PCDHA6: variants seen among roughly 807,000 people sequenced by gnomAD.
The protein encoded by PCDHA6 is protocadherin alpha 6.
A neutral mutation model predicts 60.3 loss-of-function variants in PCDHA6; 55 were observed. The ratio of observed to expected loss-of-function variants is 0.91; its 90% CI spans 0.73 to 1.14. The LOEUF (loss-of-function observed/expected upper bound fraction) is 1.14, where lower values mean the gene tolerates loss of function less well. PCDHA6 is among the 50% of genes most tolerant of loss of function. The pLI, the probability that PCDHA6 is intolerant of heterozygous loss-of-function variation, is 0.00. For synonymous variants in PCDHA6, 652 were observed against 557.9 expected, an observed-to-expected ratio of 1.17 and a Z score of -2.38; for missense variants, 1,327 against 1,256.5, an observed-to-expected ratio of 1.06 and a Z score of -0.85.
intron 1 of PCDHA6, chr5:140,876,054 A>C: frequency 6.2e-7 from 1 of 1,613,940 alleles, no homozygotes; most frequent in Non-Finnish European, 8.5e-7. Context: ...TGCCTGAATT[A>C]GTTCTTCGGA....
intron 1 of PCDHA6, among the ~76,000 whole-genome samples, chr5:140,971,432 A>G (rs1446143040): frequency 6.6e-6 from 1 of 152,226 alleles, no homozygotes; most frequent in African/African-American, 2.4e-5. Context: ...AAGAACCCCA[A>G]GATCTACAGC....
intron 3 of PCDHA6, among the ~76,000 whole-genome samples, chr5:140,989,700 C>T (rs1367211310): frequency 6.6e-6 from 1 of 152,178 alleles, no homozygotes; most frequent in East Asian, 1.9e-4. Flanking sequence ...AAAATTTTAT[C>T]TTCAGAGGCA....
At chr5:140,894,035 T>C (rs1554185902) in intron 1 of PCDHA6, among the ~76,000 whole-genome samples, 1 of 152,220 alleles carries the variant, frequency 6.6e-6, no homozygotes, top group Non-Finnish European at 1.5e-5. Context: ...ATACTGGTAA[T>C]GTAAGTCCTC....
rs535622037 is a variant in PCDHA6 at position 140,926,265 on chromosome 5, G to T, written c.2395-52684G>T. The T allele has an allele frequency of 8.1e-3, 1,228 of 152,360 alleles. 6 individuals carry two copies. The highest frequency in any genetic ancestry group is 0.019 in the African/African-American group (792 of 41,548). 9.4% of individuals were successfully genotyped at this position (152,360 alleles called of 1,614,324 possible). ...CACGTTCACCGTCCCGCCTCTCGCC[G>T]CCTCCGCTCGGCAGCTCCACGCTGA... is the stretch of plus-strand genomic sequence containing the variant. On this transcript the variant is annotated intron_variant, in intron 1 of 3. Transcript: ENST00000529310.
chr5:140,875,924 A>G (rs782181544), intron 1 of PCDHA6: 5 of 1,613,936 alleles, frequency 3.1e-6, no homozygotes, highest in Non-Finnish European at 4.2e-6. Context: ...CTGGACTCTC[A>G]TTTTCCTCTA....
intron 1 of PCDHA6, chr5:140,858,052 T>C (rs1281058907): frequency 2.5e-6 from 4 of 1,597,036 alleles, no homozygotes; most frequent in African/African-American, 1.3e-5. Flanking sequence ...TTGTGTCGCT[T>C]GTGGAGGGCA....
chr5:140,853,323 A>T (rs191492772), intron 1 of PCDHA6: 1 of 984,966 alleles, frequency 1.0e-6, no homozygotes, highest in African/African-American at 1.8e-5. Context: ...TAATAAATTT[A>T]TCTTTTGAGG....
At chr5:140,966,854 C>G in intron 1 of PCDHA6, 1 of 1,573,744 alleles carries the variant, frequency 6.4e-7, no homozygotes, top group Non-Finnish European at 8.6e-7. Context: ...GCCTCTCCTG[C>G]TGCTGTTGCT....
chr5:140,883,861 G>A (rs1554180326), intron 1 of PCDHA6: 2 of 1,613,126 alleles, frequency 1.2e-6, no homozygotes, highest in South Asian at 1.1e-5. Flanking sequence ...TGGAGCTGTT[G>A]CAGTTCCAGG....
intron 1 of PCDHA6, chr5:140,884,070 C>T: frequency 1.2e-6 from 2 of 1,613,516 alleles, no homozygotes; most frequent in Non-Finnish European, 1.7e-6. Context: ...GACGCCGATT[C>T]GGGCTACAAT....
intron 3 of PCDHA6, among the ~76,000 whole-genome samples, chr5:141,003,433 T>G (rs1479468480): frequency 2.0e-5 from 3 of 152,112 alleles, no homozygotes; most frequent in African/African-American, 7.2e-5. Flanking sequence ...TGCCTCAGCC[T>G]CCCAAGTAGA....
At chr5:141,003,761 C>T (rs1371194132) in intron 3 of PCDHA6, among the ~76,000 whole-genome samples, 3 of 152,160 alleles carry the variant, frequency 2.0e-5, no homozygotes, top group Admixed American at 1.3e-4. Flanking sequence ...TAATTATGGT[C>T]GTATTCTGTT....
chr5:140,935,563 C>T (rs1554210554), intron 1 of PCDHA6, among the ~76,000 whole-genome samples: 1 of 152,176 alleles, frequency 6.6e-6, no homozygotes. Context: ...GGAAAAGTTC[C>T]TCTCTGTGTA....
intron 1 of PCDHA6, among the ~76,000 whole-genome samples, chr5:140,885,351 G>T (rs2060569192): frequency 1.3e-5 from 2 of 152,052 alleles, no homozygotes; most frequent in Admixed American, 6.5e-5. Context: ...TTTCCAAAAG[G>T]TACTGGTGAC....
intron 1 of PCDHA6, chr5:140,850,085 G>A: frequency 1.3e-6 from 2 of 1,596,624 alleles, no homozygotes; most frequent in Non-Finnish European, 1.7e-6. Flanking sequence ...AGCTGGAGCT[G>A]CTACAGTTCC....
In PCDHA6 at chr5:140,884,626, A is replaced by G. The variant is rs782131642; in HGVS notation, c.2394+54141A>G. 9 of 1,613,602 alleles carry G rather than the reference A, an allele frequency of 5.6e-6. No individual in the cohort carries two copies. In the Admixed American group the frequency reaches 1.5e-4, roughly 27 times the overall value. ...CTTGTCTGGGTTCTGCAGAGGGAAC[A>G]GGCCAGAGGGAGGAGGACTCAGAAT... On this transcript the variant is annotated intron_variant, in intron 1 of 3. Transcript: ENST00000529310.
At chr5:140,892,260 T>C (rs2063449120) in intron 1 of PCDHA6, among the ~76,000 whole-genome samples, 1 of 152,218 alleles carries the variant, frequency 6.6e-6, no homozygotes, top group East Asian at 1.9e-4. Flanking sequence ...TCTTTGATTT[T>C]GTGCTGAAAG....
intron 1 of PCDHA6, among the ~76,000 whole-genome samples, chr5:140,945,731 A>G (rs1021363337): frequency 2.6e-5 from 4 of 152,144 alleles, no homozygotes; most frequent in Non-Finnish European, 4.4e-5. Flanking sequence ...TACAATGGAA[A>G]AAGGACAGCC....
At chr5:140,878,400 A>C (rs1190004888) in intron 1 of PCDHA6, among the ~76,000 whole-genome samples, 2 of 152,218 alleles carry the variant, frequency 1.3e-5, no homozygotes, top group Non-Finnish European at 2.9e-5. Flanking sequence ...TGCTCACAAA[A>C]TATCTTCTTT....
Sources: allele counts gnomAD v4.1 joint callset (sites outside exome capture counted in the v4.1 genomes callset), GRCh38; gene constraint gnomAD v4.1.1; transcripts MANE v1.5; gene names NCBI Gene and HGNC (gene_info 2026-07-23, HGNC 2026-07-21).